Variants in ITGB1 observed in about 807,000 individuals in gnomAD.
ITGB1 encodes integrin beta-1.
A neutral mutation model predicts 86.5 loss-of-function variants in ITGB1; 24 were observed. The ratio of observed to expected loss-of-function variants is 0.28; its 90% CI spans 0.20 to 0.39. The LOEUF (loss-of-function observed/expected upper bound fraction) is 0.39, where lower values mean the gene tolerates loss of function less well. Among genes scored for constraint, ITGB1 ranks in the 10% least tolerant of loss-of-function variants. The pLI, the probability that ITGB1 is intolerant of heterozygous loss-of-function variation, is 1.00. For missense variants in ITGB1, 556 were observed against 946.9 expected (o/e 0.59, Z 5.42); for synonymous variants, 323 against 316.8 (o/e 1.02, Z -0.21).
chr10:32,938,939 C>A (rs2095011135), intron 1 of ITGB1, among the ~76,000 whole-genome samples: 1 of 152,244 alleles, frequency 6.6e-6, no homozygotes, highest in South Asian at 2.1e-4. Flanking sequence ...AGGCAGAGGG[C>A]CAGGGAGCCT....
At chr10:32,913,221 C>G (rs2094919347) in intron 11 of ITGB1, among the ~76,000 whole-genome samples, 1 of 152,282 alleles carries the variant, frequency 6.6e-6, no homozygotes, top group Admixed American at 6.5e-5. Context: ...GAAACCAGAG[C>G]AGAAAAGCTG....
At chr10:32,929,212 A>AAAAG (rs71299730) in intron 4 of ITGB1, among the ~76,000 whole-genome samples, 22 of 151,676 alleles carry the variant, frequency 1.5e-4, no homozygotes, top group African/African-American at 4.1e-4. Flanking sequence ...GTTAAAAAAA[A>AAAAG]TCCTGACAAG....
At chr10:32,924,323 C>T (rs2488328) in intron 6 of ITGB1, among the ~76,000 whole-genome samples, 125,502 of 152,192 alleles carry the variant, frequency 0.82, 52,486 homozygotes, top group Non-Finnish European at 0.9. Flanking sequence ...TTTACTTTAT[C>T]CTTGCCCTTT....
chr10:32,942,309 T>C (rs1312592733), intron 1 of ITGB1, among the ~76,000 whole-genome samples: 1 of 151,964 alleles, frequency 6.6e-6, no homozygotes, highest in Non-Finnish European at 1.5e-5. Context: ...GAAGAACTCC[T>C]AGGAAAAGAG....
At chr10:32,944,399 G>GGCGT (rs144063967) in intron 1 of ITGB1, 4,917 of 300,312 alleles carry the variant, frequency 0.016, 244 homozygotes, top group African/African-American at 0.1. Flanking sequence ...TCTGTAAAGG[G>GGCGT]GCGTCTACGC....
chr10:32,926,553 TCCTG>T (rs1020937548), intron 5 of ITGB1, among the ~76,000 whole-genome samples: 141 of 152,290 alleles, frequency 9.3e-4, no homozygotes, highest in African/African-American at 3.3e-3. Context: ...CAACTCTTGC[TCCTG>T]CTCCCACCAT....
At chr10:32,910,186 G>A (rs1470618411) in intron 14 of ITGB1, 37 bp downstream of exon 14, 4 of 1,441,486 alleles carry the variant, frequency 2.8e-6, no homozygotes, top group Non-Finnish European at 3.9e-6. Context: ...AGACATACAA[G>A]ATATGAAAAG....
intron 11 of ITGB1, among the ~76,000 whole-genome samples, chr10:32,917,714 G>A (rs1247665685): frequency 2.6e-5 from 4 of 152,188 alleles, no homozygotes; most frequent in African/African-American, 9.7e-5. Flanking sequence ...GAGAGGATGT[G>A]GAGAAATAGG....
At chr10:32,917,843 G>A (rs932981707) in intron 11 of ITGB1, among the ~76,000 whole-genome samples, 1 of 152,054 alleles carries the variant, frequency 6.6e-6, no homozygotes, top group African/African-American at 2.4e-5. Flanking sequence ...CCCATTACTG[G>A]GTATATACCC....
At chr10:32,922,514 T>C in intron 8 of ITGB1, 126 bp downstream of exon 8, 4 of 756,208 alleles carry the variant, frequency 5.3e-6, no homozygotes, top group Non-Finnish European at 8.7e-6. Context: ...AAAATTAATA[T>C]AAACCACTTT....
At chr10:32,957,998 G>GCCGCCCCCGCCC (rs557936108) in intron 1 of ITGB1, 147 bp downstream of exon 1, 477 of 147,990 alleles carry the variant, frequency 3.2e-3, no homozygotes, top group African/African-American at 6.8e-3. Context: ...ACCGCTGGCG[G>GCCGCCCCCGCCC]CCGCCCCCGC....
chr10:32,943,559 A>G (rs942340995), intron 1 of ITGB1, among the ~76,000 whole-genome samples: 1 of 152,172 alleles, frequency 6.6e-6, no homozygotes, highest in African/African-American at 2.4e-5. Flanking sequence ...CAGACATCAC[A>G]ACAGGGAGGT....
At chr10:32,936,703 A>G (rs867232833) in intron 1 of ITGB1, among the ~76,000 whole-genome samples, 1 of 152,230 alleles carries the variant, frequency 6.6e-6, no homozygotes, top group Admixed American at 6.5e-5. Context: ...ATATGAATCT[A>G]TATCTTTGAT....
At chr10:32,933,887 A>G (rs997055700) in intron 2 of ITGB1, among the ~76,000 whole-genome samples, 2 of 152,188 alleles carry the variant, frequency 1.3e-5, no homozygotes, top group African/African-American at 2.4e-5. Flanking sequence ...GTATTTCAAT[A>G]TAAGTGTACT....
chr10:32,912,669 A>G (rs1218385178), intron 11 of ITGB1, among the ~76,000 whole-genome samples: 1 of 152,230 alleles, frequency 6.6e-6, no homozygotes, highest in African/African-American at 2.4e-5. Context: ...AAAAAAAGCT[A>G]AAACTGGGTG....
At chr10:32,921,230 G>A (rs1027905895) in intron 9 of ITGB1, among the ~76,000 whole-genome samples, 2 of 150,808 alleles carry the variant, frequency 1.3e-5, no homozygotes, top group African/African-American at 4.9e-5. Context: ...TAACATATGA[G>A]ACTATTCAGG....
intron 1 of ITGB1, chr10:32,944,658 T>C (rs1487596806): frequency 6.3e-6 from 4 of 634,764 alleles, no homozygotes; most frequent in Non-Finnish European, 1.2e-5. Context: ...TTGGGTGGTT[T>C]TCCATGGACA....
Position 32,901,609 on chromosome 10 carries a change from G to A in ITGB1, c.2358C>T (p.Ala786=), listed in dbSNP as rs1301336211. 1.0e-5 allele frequency: 16 copies of A among 1,602,896 alleles called. No homozygotes were observed. The highest frequency in any genetic ancestry group is 2.7e-5 in the African/African-American group (2 of 74,540). The change falls in exon 16 of 16, where the codon GCC becomes GCT. Residue 786 remains alanine (A), a synonymous_variant. Coordinates refer to ENST00000302278, the MANE Select transcript of ITGB1 (RefSeq NM_002211.4). ...DTGENPIYKS[A]VTTVVNPKYE... is the part of the protein sequence containing the mutation. ...ACTTCGGATTGACCACAGTTGTTAC[G>A]GCACTCTTATAAATAGGATTTTCAC...
chr10:32,930,400 T>G (rs1565827411), intron 3 of ITGB1, among the ~76,000 whole-genome samples: 1 of 152,156 alleles, frequency 6.6e-6, no homozygotes, highest in Non-Finnish European at 1.5e-5. Context: ...ATCAGATCAT[T>G]TCTCCAAAAT....
Sources: allele counts gnomAD v4.1 joint callset (sites outside exome capture counted in the v4.1 genomes callset), GRCh38; gene constraint gnomAD v4.1.1; transcripts MANE v1.5; gene names NCBI Gene and HGNC (gene_info 2026-07-23, HGNC 2026-07-21).